PTPRT: variants seen among roughly 807,000 people sequenced by gnomAD.
PTPRT encodes the protein protein tyrosine phosphatase receptor type T, also known as receptor-type tyrosine-protein phosphatase T.
PTPRT carries 56 observed loss-of-function variants against 176.8 expected under a neutral mutation model. The ratio of observed to expected loss-of-function variants is 0.32; its 90% confidence interval spans 0.26 to 0.40. The LOEUF is 0.40. Ranked by LOEUF, PTPRT falls within the 10% of genes least tolerant of loss-of-function variation. The probability of loss-of-function intolerance (pLI) is 1.00; values close to 1 mark genes in which losing one functional copy is unlikely to be tolerated. For synonymous variants in PTPRT, 783 were observed against 739.0 expected (o/e 1.06, Z -0.96); for missense variants, 1,540 against 1,908.2 (o/e 0.81, Z 3.60).
chr20:42,964,029 G>A (rs938125412), intron 1 of PTPRT, among the ~76,000 whole-genome samples: 3 of 152,074 alleles, frequency 2.0e-5, no homozygotes, highest in African/African-American at 7.2e-5. Flanking sequence ...TAACCTGTGT[G>A]CTGTCAAAAA....
In PTPRT at chr20:42,758,591, G is replaced by A. The variant is rs572981048; in HGVS notation, c.685-1955C>T. ...TCTTCAAACTTTCTGTCTCAAACAC[G>A]TATTTGCTTTATACTTGAACATAAA... On this transcript the variant is annotated intron_variant, in intron 5 of 30. Transcript: ENST00000373187. Among the ~76,000 whole-genome samples, 117 of 152,006 alleles carry A rather than the reference G, an allele frequency of 7.7e-4. 1 individual carries two copies. The highest frequency in any genetic ancestry group is 2.6e-3 in the African/African-American group (108 of 41,412).
At chr20:42,038,550 A>G in the PTPRT span, among the ~76,000 whole-genome samples, 31,111 of 152,144 alleles carry the variant, frequency 0.2, 5,746 homozygotes, top group African/African-American at 0.5. Flanking sequence ...GGTTTGCTTC[A>G]TGGTGATGGT....
intron 5 of PTPRT, among the ~76,000 whole-genome samples, chr20:42,758,808 C>T (rs1222370902): frequency 6.6e-6 from 1 of 152,194 alleles, no homozygotes; most frequent in Non-Finnish European, 1.5e-5. Context: ...CAGGCAATTT[C>T]ACTGTTCTGA....
Position 42,888,813 on chromosome 20 carries a change from C to T in PTPRT, c.89-2881G>A, listed in dbSNP as rs146688894. 6.2e-3 allele frequency among the ~76,000 whole-genome samples: 942 copies of T among 152,110 alleles called. 11 individuals are homozygous for T. The highest frequency in any genetic ancestry group is 0.021 in the African/African-American group (851 of 41,480). ...ACAGAATTGACAGATATGATCCTTA[C>T]CCTCACAAAGTTTGCAGAATAGAGT... On this transcript the variant is annotated intron_variant, in intron 1 of 30. Transcript: ENST00000373187.
intron 11 of PTPRT, among the ~76,000 whole-genome samples, chr20:42,333,044 C>A (rs1341454104): frequency 1.3e-5 from 2 of 152,100 alleles, no homozygotes; most frequent in Admixed American, 1.3e-4. Context: ...AGGAAACCAC[C>A]ACTCTGAGTT....
chr20:42,240,375 G>A lies in PTPRT; in HGVS notation c.2313-4117C>T, dbSNP rs572803793. ...ATTTACTGAAGGTCTAAATTTACAA[G>A]GATACAGTGATATTGCAAGTAACAG... On this transcript the variant is annotated intron_variant, in intron 14 of 30. Coordinates refer to ENST00000373187, the MANE Select transcript of PTPRT (RefSeq NM_007050.6). Among the ~76,000 whole-genome samples, 33 of 152,198 alleles carry A rather than the reference G, an allele frequency of 2.2e-4. 1 individual carries two copies. Among genetic ancestry groups the A allele is most frequent in the Admixed American group, 2.1e-3 (32 of 15,296 alleles).
intron 1 of PTPRT, among the ~76,000 whole-genome samples, chr20:43,084,630 T>C (rs2011556291): frequency 6.6e-6 from 1 of 152,208 alleles, no homozygotes; most frequent in African/African-American, 2.4e-5. Context: ...CCAAACCATA[T>C]CATTTGCCAA....
At chr20:42,823,875 A>C (rs185585448) in intron 2 of PTPRT, among the ~76,000 whole-genome samples, 4 of 152,222 alleles carry the variant, frequency 2.6e-5, no homozygotes, top group East Asian at 3.9e-4. Context: ...CCTAAAAAAA[A>C]CACAAGCATC....
intron 9 of PTPRT, among the ~76,000 whole-genome samples, chr20:42,396,821 G>T (rs1490007882): frequency 6.6e-6 from 1 of 152,192 alleles, no homozygotes; most frequent in Non-Finnish European, 1.5e-5. Context: ...GCCCCCCAAA[G>T]TGCTGGGACT....
Position 42,522,207 on chromosome 20 carries a change from T to C in PTPRT, c.1154-49645A>G, listed in dbSNP as rs117207770. 1.4e-4 allele frequency among the ~76,000 whole-genome samples: 21 copies of C among 150,320 alleles called. No homozygotes were observed. The East Asian group carries it at 3.9e-3, about 28-fold the overall frequency. On this transcript the variant is annotated intron_variant, in intron 7 of 30. Coordinates refer to ENST00000373187, the MANE Select transcript of PTPRT (RefSeq NM_007050.6). ...AAAGTTTCCTTCTTTAACTTAGTTT[T>C]CTCCAGGCACTAGTGGTTGTGTGAA...
chr20:42,620,158 C>T (rs1213941688), intron 7 of PTPRT, among the ~76,000 whole-genome samples: 4 of 147,330 alleles, frequency 2.7e-5, no homozygotes, highest in African/African-American at 1.0e-4. Flanking sequence ...TTCCTTCTAA[C>T]AGACAGGACC....
At chr20:43,085,948 G>A (rs956779528) in intron 1 of PTPRT, among the ~76,000 whole-genome samples, 17 of 152,098 alleles carry the variant, frequency 1.1e-4, no homozygotes, top group African/African-American at 3.9e-4. Flanking sequence ...GAAAAGAGTT[G>A]TCTTCCCCAC....
chr20:42,444,994 A>G (rs1205523418), intron 9 of PTPRT, among the ~76,000 whole-genome samples: 1 of 152,152 alleles, frequency 6.6e-6, no homozygotes, highest in Non-Finnish European at 1.5e-5. Flanking sequence ...CAAGAGTAGT[A>G]TTTTCCAGAA....
chr20:42,562,609 C>T (rs35672909), intron 7 of PTPRT, among the ~76,000 whole-genome samples: 2 of 152,190 alleles, frequency 1.3e-5, no homozygotes, highest in South Asian at 2.1e-4. Flanking sequence ...ATTTCTCCTG[C>T]GTTTATTCCA....
intron 9 of PTPRT, among the ~76,000 whole-genome samples, chr20:42,367,020 T>C (rs1259937779): frequency 6.6e-6 from 1 of 152,228 alleles, no homozygotes; most frequent in African/African-American, 2.4e-5. Flanking sequence ...CGCATTTTAT[T>C]TGGGAAGGGG....
intron 1 of PTPRT, among the ~76,000 whole-genome samples, chr20:43,187,865 A>G (rs943087805): frequency 1.3e-5 from 2 of 152,238 alleles, no homozygotes; most frequent in African/African-American, 4.8e-5. Context: ...AATTGAAAAG[A>G]AGTTCTATTC....
intron 1 of PTPRT, among the ~76,000 whole-genome samples, chr20:43,080,992 G>A (rs2011426513): frequency 6.6e-6 from 1 of 152,208 alleles, no homozygotes; most frequent in African/African-American, 2.4e-5. Flanking sequence ...TTGCACTTCA[G>A]GGATAAATCC....
chr20:42,551,519 T>C (rs759482283), intron 7 of PTPRT, among the ~76,000 whole-genome samples: 4 of 152,214 alleles, frequency 2.6e-5, no homozygotes, highest in Non-Finnish European at 5.9e-5. Flanking sequence ...TTTTGTTTGT[T>C]TGACTAAGTG....
intron 30 of PTPRT, 45 bp from the exon 31 acceptor site, chr20:42,080,977 C>T (rs371705376): frequency 8.0e-5 from 117 of 1,467,706 alleles, no homozygotes; most frequent in East Asian, 4.1e-4. Context: ...GAAGAGGAGA[C>T]GAGAGAGATG....
Sources: gnomAD v4.1 joint callset for allele counts (sites outside exome capture counted in the v4.1 genomes callset) on GRCh38, gnomAD v4.1.1 for gene constraint, MANE v1.5 for transcripts, NCBI Gene and HGNC (gene_info 2026-07-23, HGNC 2026-07-21) for gene names.